The following CCDC174 variants were observed in gnomAD, a reference collection of about 807,000 sequenced individuals.
CCDC174 encodes the protein coiled-coil domain-containing protein 174.
In CCDC174, 37 loss-of-function variants were observed where a neutral mutation model predicts 57.1. The ratio of observed to expected loss-of-function variants is 0.65; its 90% CI spans 0.50 to 0.85. The LOEUF is 0.85. CCDC174 is among the 40% of genes least tolerant of loss of function. The probability of loss-of-function intolerance (pLI) is 0.00; values close to 1 mark genes in which losing one functional copy is unlikely to be tolerated. For synonymous variants in CCDC174, 182 were observed against 190.2 expected (o/e 0.96, Z 0.35); for missense variants, 540 against 574.3 (o/e 0.94, Z 0.61).
chr3:14,658,875 A>G lies in CCDC174; in HGVS notation c.253A>G (p.Lys85Glu). 2 of 1,541,790 alleles carry G rather than the reference A, an allele frequency of 1.3e-6. No homozygotes were observed. Among genetic ancestry groups the G allele is most frequent in the Non-Finnish European group, 1.8e-6 (2 of 1,128,420 alleles). The change falls in exon 4 of 11, where the codon AAA becomes GAA. Residue 85 changes from lysine to glutamate, a missense_variant. Coordinates refer to ENST00000383794, the MANE Select transcript of CCDC174 (RefSeq NM_016474.5). Reference protein sequence around the residue: ...EQKTLDKAREKLEEKAKLYEK... With the variant: ...EQKTLDKAREELEEKAKLYEK... ...CTTGTATTTTTTTTCTCCTAGGGAAAAATTGGAAGAAAAAGCCAAATTATA... is the reference window on the plus strand; with the variant it reads ...CTTGTATTTTTTTTCTCCTAGGGAAGAATTGGAAGAAAAAGCCAAATTATA...
In CCDC174 at chr3:14,661,698, G is replaced by A. The variant is rs56350241; in HGVS notation, c.476G>A (p.Ser159Asn). Residue 159 changes from serine to asparagine, a missense_variant, in exon 5 of 11, where the codon AGT (serine) becomes AAT (asparagine). Ser to Asn is a conservative substitution (Grantham distance 46). Coordinates refer to ENST00000383794, the MANE Select transcript of CCDC174 (RefSeq NM_016474.5). ...GAGATCCCTCCTCCCCAAGACCCCA[G>A]TGAAGAATGGTTGGTAACATCATGG... ...EGEIPPPQDPSEEWVDYVDSL... is the reference protein window; with the variant it reads ...EGEIPPPQDPNEEWVDYVDSL... The A allele has an allele frequency of 2.1e-3, 3,316 of 1,611,364 alleles. 6 individuals carry two copies. The highest frequency in any genetic ancestry group is 2.5e-3 in the Non-Finnish European group (2,904 of 1,179,078).
At chr3:14,666,061 G>A (rs201686645) in intron 6 of CCDC174, among the ~76,000 whole-genome samples, 111 of 123,576 alleles carry the variant, frequency 9.0e-4, no homozygotes, top group Middle Eastern at 4.2e-3. Context: ...AAAAAAAAAA[G>A]AAAGAAAGGG....
At chr3:14,667,873 G>C (rs1439404042) in intron 8 of CCDC174, 176 bp from the exon 9 acceptor site, 1 of 617,264 alleles carries the variant, frequency 1.6e-6, no homozygotes, top group African/African-American at 1.9e-5. Context: ...TAAGACATCA[G>C]AGGGTTCATA....
At position 14,654,385 on chromosome 3, in the gene CCDC174, A is replaced by G; in HGVS notation, c.43-41A>G. 3.9e-6 allele frequency: 4 copies of G among 1,030,844 alleles called. No homozygotes were observed. In the South Asian group the frequency reaches 4.3e-5, roughly 11 times the overall value. The allele number at this position is 1,030,844 out of a possible 1,614,324, so 63.9% of individuals were successfully genotyped here. A position where few individuals can be genotyped will look rare whatever the true frequency, so the allele number is the denominator to read the frequency against. ...ATAATTTAGCAATCCAGTCACCTGC[A>G]GGAATTTAATATTTTTGTTTACTTA... On this transcript the variant is annotated intron_variant, in intron 1 of 10. Transcript: ENST00000383794.
At position 14,666,872 on chromosome 3, in the gene CCDC174, C is replaced by T. The variant is rs145512037; in HGVS notation, c.649C>T (p.Gln217Ter). The T allele has an allele frequency of 7.5e-6, 12 of 1,606,356 alleles. No homozygotes were observed. Among genetic ancestry groups the T allele is most frequent in the African/African-American group, 6.7e-5 (5 of 74,094 alleles). Residue 217 changes from glutamine to a stop codon, truncating the protein, a stop_gained, in exon 7 of 11, where the codon CAA becomes TAA. Coordinates refer to ENST00000383794, the MANE Select transcript of CCDC174 (RefSeq NM_016474.5). LOFTEE classifies it high-confidence loss of function. ...TATGAGAAAAGAACTTCAGCGCCAG[C>T]AATGGGAGGAAGAAGAAAGAGAGGC... The part of the protein sequence containing the change: ...EDMRKELQRQ[Q>*]WEEEEREALK...
rs1315816299 is a variant in CCDC174, at chr3:14,671,188, G to A, written c.1398G>A (p.Val466=). The change falls in exon 11 of 11, where the codon GTG becomes GTA. Residue 466 remains valine, a synonymous_variant. Transcript: ENST00000383794. ...ACATGATTTCCTATTACAAACAAGT[G>A]ACATGATCTTTCAAAGCACGCTGAC... The part of the protein sequence containing the change: ...LDDMISYYKQ[V]T 2.5e-6 allele frequency: 4 copies of A among 1,605,680 alleles called. No homozygotes were observed. Among genetic ancestry groups the A allele is most frequent in the Admixed American group, 3.4e-5 (2 of 59,522 alleles).
chr3:14,651,779 A>C lies in CCDC174; in HGVS notation c.-58A>C, dbSNP rs369531679. On this transcript the variant is annotated 5_prime_UTR_variant, in exon 1 of 11. Transcript: ENST00000383794. ...TTCCGGTTGCGACGGAGGTAGGCTTACGAGGCCTGTGTCGGGTAGAAAGGG... is the reference window on the plus strand; with the variant it reads ...TTCCGGTTGCGACGGAGGTAGGCTTCCGAGGCCTGTGTCGGGTAGAAAGGG... 3 of 1,582,304 alleles carry C rather than the reference A, an allele frequency of 1.9e-6. No homozygotes were observed. Among genetic ancestry groups the C allele is most frequent in the African/African-American group, 1.3e-5 (1 of 74,398 alleles).
chr3:14,669,179 A>G (rs1268342672), intron 9 of CCDC174, among the ~76,000 whole-genome samples: 5 of 152,198 alleles, frequency 3.3e-5, no homozygotes, highest in Non-Finnish European at 5.9e-5. Flanking sequence ...CTGTTACCCA[A>G]AGGAAAAGGA....
intron 3 of CCDC174, among the ~76,000 whole-genome samples, chr3:14,655,836 G>T (rs1205985434): frequency 1.3e-5 from 2 of 152,148 alleles, no homozygotes; most frequent in Non-Finnish European, 2.9e-5. Context: ...TTTATAAGAT[G>T]AAACATTCTT....
intron 4 of CCDC174, among the ~76,000 whole-genome samples, chr3:14,659,617 A>G (rs559514112): frequency 1.3e-5 from 2 of 152,240 alleles, no homozygotes; most frequent in South Asian, 4.1e-4. Flanking sequence ...CTTTGAGATT[A>G]CAGTGAGCTG....
chr3:14,666,670 G>T, intron 6 of CCDC174, 135 bp from the exon 7 acceptor site: 1 of 636,392 alleles, frequency 1.6e-6, no homozygotes. Context: ...CAGCAGTCTT[G>T]TGGGTCAGAA....
At chr3:14,670,551 G>A (rs1474053920) in intron 10 of CCDC174, among the ~76,000 whole-genome samples, 2 of 152,206 alleles carry the variant, frequency 1.3e-5, no homozygotes, top group African/African-American at 4.8e-5. Flanking sequence ...TACCAGACAA[G>A]GTTGGACAGT....
rs1485000725 is a variant in CCDC174, at chr3:14,671,437, A to G, written c.*243A>G. 2.0e-6 allele frequency: 1 copy of G among 490,384 alleles called. No homozygotes were observed. Among genetic ancestry groups the G allele is most frequent in the Non-Finnish European group, 3.6e-6 (1 of 277,348 alleles). The allele number at this position is 490,384 out of a possible 1,614,324, so 30.4% of individuals were successfully genotyped here. A position where few individuals can be genotyped will look rare whatever the true frequency, so the allele number is the denominator to read the frequency against. On this transcript the variant is annotated 3_prime_UTR_variant, in exon 11 of 11. Transcript: ENST00000383794. ...ATTTACATGTGAGCTGCGATAGAAT[A>G]GAAGTATTTATTCTGTAAAATTAGA...
At chr3:14,670,621 C>A (rs1390818227) in intron 10 of CCDC174, among the ~76,000 whole-genome samples, 1 of 152,176 alleles carries the variant, frequency 6.6e-6, no homozygotes, top group Non-Finnish European at 1.5e-5. Context: ...GTATGAAATA[C>A]CTACAATGTC....
In CCDC174 at chr3:14,670,013, A is replaced by G. The variant is rs1475693241; in HGVS notation, c.1032A>G (p.Val344=). The change falls in exon 10 of 11, where the codon GTA becomes GTG. Residue 344 remains valine (V), a synonymous_variant. Coordinates refer to ENST00000383794, the MANE Select transcript of CCDC174 (RefSeq NM_016474.5). Reference sequence around the variant, plus strand: ...GTCCTGCTGCCCAGAGTAGCAAAGTAGAAGTCATTGTCCAGGAGAGGAAGG... The same window carrying G: ...GTCCTGCTGCCCAGAGTAGCAAAGTGGAAGTCATTGTCCAGGAGAGGAAGG... The part of the protein sequence containing the change: ...TPRPAAQSSK[V]EVIVQERKDT... The G allele has an allele frequency of 6.2e-7, 1 of 1,611,240 alleles. No homozygotes were observed. The highest frequency in any genetic ancestry group is 1.7e-5 in the Admixed American group (1 of 59,080).
Position 14,671,237 on chromosome 3 carries a change from C to T in CCDC174, c.*43C>T, listed in dbSNP as rs775952998. On this transcript the variant is annotated 3_prime_UTR_variant, in exon 11 of 11. Coordinates refer to ENST00000383794, the MANE Select transcript of CCDC174 (RefSeq NM_016474.5). ...ACTTGGGTTTGTACTTTGACAGTGC[C>T]TTTCTCTCCCAGAGGGAGAAATAAC... The T allele has an allele frequency of 1.9e-6, 3 of 1,539,608 alleles. No individual in the cohort carries two copies. Among genetic ancestry groups the T allele is most frequent in the Non-Finnish European group, 2.7e-6 (3 of 1,129,958 alleles).
At chr3:14,660,989 G>A (rs2031113191) in intron 4 of CCDC174, among the ~76,000 whole-genome samples, 1 of 152,206 alleles carries the variant, frequency 6.6e-6, no homozygotes, top group Non-Finnish European at 1.5e-5. Flanking sequence ...TGCCCTGCAG[G>A]GCCGGGCTCT....
chr3:14,664,809 T>C (rs2124843426), intron 5 of CCDC174, among the ~76,000 whole-genome samples: 1 of 152,344 alleles, frequency 6.6e-6, no homozygotes, highest in South Asian at 2.1e-4. Flanking sequence ...AAAATTATTG[T>C]TAACAGTTTC....
At chr3:14,660,325 G>A in intron 4 of CCDC174, among the ~76,000 whole-genome samples, 1 of 152,118 alleles carries the variant, frequency 6.6e-6, no homozygotes. Flanking sequence ...CCAACATGGC[G>A]AAACTCCATC....
Sources: allele counts gnomAD v4.1 joint callset (sites outside exome capture counted in the v4.1 genomes callset), GRCh38; gene constraint gnomAD v4.1.1; transcripts MANE v1.5; gene names NCBI Gene and HGNC (gene_info 2026-07-23, HGNC 2026-07-21).